The following KLK11 variants were observed in gnomAD, a reference collection of about 807,000 sequenced individuals.
The protein encoded by KLK11 is kallikrein related peptidase 11.
A neutral mutation model predicts 23.4 loss-of-function variants in KLK11; 10 were observed. That is an observed-to-expected ratio of 0.43 (90% CI 0.26 to 0.73). The LOEUF (loss-of-function observed/expected upper bound fraction) is 0.73. KLK11 is among the 30% of genes least tolerant of loss of function. The pLI is 0.22. For synonymous variants in KLK11, 131 were observed against 131.7 expected, an observed-to-expected ratio of 0.99 and a Z score of 0.03; for missense variants, 285 against 327.8, an observed-to-expected ratio of 0.87 and a Z score of 1.01.
At chr19:51,027,627 CAGGGG>C, upstream of KLK11, 1 of 1,334,972 alleles carries the variant, frequency 7.5e-7, no homozygotes, top group Non-Finnish European at 1.1e-6. Context: ...TGGAGCAAGG[CAGGGG>C]AGGGCCTAGG....
At position 51,025,487 on chromosome 19, in the gene KLK11, G is replaced by A; in HGVS notation, c.40+105C>T. 1 of 708,132 alleles carries A rather than the reference G, an allele frequency of 1.4e-6. No homozygotes were observed. The highest frequency in any genetic ancestry group is 2.2e-6 in the Non-Finnish European group (1 of 445,220). 43.9% of individuals were successfully genotyped at this position (708,132 alleles called of 1,614,324 possible). A position where few individuals can be genotyped will look rare whatever the true frequency, so the allele number is the denominator to read the frequency against. ...CTCCAGTTCAGGTGCCTTATGGGTTGTTCTGTAATTTGGAATCAGCCCTGT... is the reference window on the plus strand; with the variant it reads ...CTCCAGTTCAGGTGCCTTATGGGTTATTCTGTAATTTGGAATCAGCCCTGT... On this transcript the variant is annotated intron_variant, in intron 2 of 5. Transcript: ENST00000453757. The surrounding 1 kb of genome is among the most constrained non-coding windows in gnomAD (Gnocchi z 6.2).
intron 5 of KLK11, 36 bp from the exon 6 acceptor site, chr19:51,022,733 G>A: frequency 6.2e-7 from 1 of 1,611,680 alleles, no homozygotes; most frequent in Non-Finnish European, 8.5e-7. Context: ...GTCAGAGAAA[G>A]CGTTGAGCAT....
Position 51,024,065 on chromosome 19 carries a change from C to T in KLK11, c.443G>A (p.Gly148Asp). The T allele has an allele frequency of 1.3e-6, 2 of 1,549,876 alleles. No individual in the cohort carries two copies. Among genetic ancestry groups the T allele is most frequent in the East Asian group, 4.6e-5 (2 of 43,872 alleles). ...CCTACACTGGGGGCTGGACGTGCTG[C>T]CCCAGCCGGAAATGAGGCAGCTGGT... The part of the protein sequence containing the change: ...AGTSCLISGW[G>D]STSSPQLRLP... The change falls in exon 4 of 6, where the codon GGC (glycine) becomes GAC (aspartate). Residue 148 changes from glycine to aspartate, a missense_variant. Gly to Asp is a moderately conservative substitution (Grantham distance 94, BLOSUM62 -1). Coordinates refer to ENST00000453757, the MANE Select transcript of KLK11 (RefSeq NM_001136032.3). The surrounding 1 kb of genome is among the most constrained non-coding windows in gnomAD (Gnocchi z 6.2).
At chr19:51,026,641 G>A (rs561049358), upstream of KLK11, 11 of 984,672 alleles carry the variant, frequency 1.1e-5, no homozygotes, top group East Asian at 1.3e-3. Flanking sequence ...CAGGCACCAG[G>A]CAGGCGGGCT....
chr19:51,027,291 TG>T, upstream of KLK11: 1 of 674,026 alleles, frequency 1.5e-6, no homozygotes, highest in Non-Finnish European at 2.6e-6. Flanking sequence ...GACCGGAGGG[TG>T]GGGGAGGCAG....
At position 51,025,193 on chromosome 19, in the gene KLK11, C is replaced by G. The variant is rs188307457; in HGVS notation, c.40+399G>C. Among the ~76,000 whole-genome samples, 14 of 151,850 alleles carry G rather than the reference C, an allele frequency of 9.2e-5. No individual in the cohort carries two copies. Among genetic ancestry groups the G allele is most frequent in the African/African-American group, 3.1e-4 (13 of 41,376 alleles). ...AGATGGCTTAAGGATCACTTAAGCCCGGGAAGTCAAGACTGCAGTGAGCCG... is the reference window on the plus strand; with the variant it reads ...AGATGGCTTAAGGATCACTTAAGCCGGGGAAGTCAAGACTGCAGTGAGCCG... On this transcript the variant is annotated intron_variant, in intron 2 of 5. Coordinates refer to ENST00000453757, the MANE Select transcript of KLK11 (RefSeq NM_001136032.3). The surrounding 1 kb of genome is among the most constrained non-coding windows in gnomAD (Gnocchi z 6.2).
chr19:51,024,237 C>T lies in KLK11; in HGVS notation c.271G>A (p.Glu91Lys). Reference protein sequence around the residue: ...EGCEQTRTATESFPHPGFNNS... With the variant: ...EGCEQTRTATKSFPHPGFNNS... ...TTGAAGCCGGGGTGGGGGAAGGACT[C>T]AGTGGCTGTCCGGGTCTGCTCACAG... Residue 91 changes from glutamate to lysine, a missense_variant, in exon 4 of 6, where the codon GAG becomes AAG. By Grantham distance (56) the Glu-to-Lys change is moderately conservative. Coordinates refer to ENST00000453757, the MANE Select transcript of KLK11 (RefSeq NM_001136032.3). The surrounding 1 kb of genome is among the most constrained non-coding windows in gnomAD (Gnocchi z 6.2). The T allele has an allele frequency of 6.2e-7, 1 of 1,614,110 alleles. No individual in the cohort carries two copies. The highest frequency in any genetic ancestry group is 8.5e-7 in the Non-Finnish European group (1 of 1,179,994).
chr19:51,027,206 C>T (rs2091499306), upstream of KLK11: 1 of 511,742 alleles, frequency 2.0e-6, no homozygotes, highest in Non-Finnish European at 3.5e-6. Flanking sequence ...TAGGCCGCTC[C>T]CTTCTCCTTT....
chr19:51,025,506 G>T lies in KLK11; in HGVS notation c.40+86C>A. On this transcript the variant is annotated intron_variant, in intron 2 of 5. Coordinates refer to ENST00000453757, the MANE Select transcript of KLK11 (RefSeq NM_001136032.3). This position sits in a 1 kb window ranked among gnomAD's most constrained non-coding sequence, Gnocchi z 6.2. ...TGGGTTGTTCTGTAATTTGGAATCA[G>T]CCCTGTCACTGTCCAGACACAGAGG... is the stretch of plus-strand genomic sequence containing the variant. 1 of 880,114 alleles carries T rather than the reference G, an allele frequency of 1.1e-6. No individual in the cohort carries two copies. Among genetic ancestry groups the T allele is most frequent in the Non-Finnish European group, 1.7e-6 (1 of 591,932 alleles). 54.5% of individuals were successfully genotyped at this position (880,114 alleles called of 1,614,324 possible). A position where few individuals can be genotyped will look rare whatever the true frequency, so the allele number is the denominator to read the frequency against.
chr19:51,026,499 G>A (rs1052403020), intron 1 of KLK11, 39 bp downstream of exon 1: 37 of 922,678 alleles, frequency 4.0e-5, no homozygotes, highest in African/African-American at 1.4e-4. Flanking sequence ...GCTGACACCT[G>A]GACGGGGAGG....
At chr19:51,023,664 C>A (rs1297944513) in intron 4 of KLK11, 10 of 214,928 alleles carry the variant, frequency 4.7e-5, no homozygotes, top group Non-Finnish European at 6.4e-5. Context: ...GGATTACAGG[C>A]GTGAGCCACG....
At position 51,024,358 on chromosome 19, in the gene KLK11, A is replaced by C; in HGVS notation, c.198-48T>G. 3 of 1,596,004 alleles carry C rather than the reference A, an allele frequency of 1.9e-6. No homozygotes were observed. Among genetic ancestry groups the C allele is most frequent in the Non-Finnish European group, 2.6e-6 (3 of 1,172,854 alleles). On this transcript the variant is annotated intron_variant, in intron 3 of 5. Coordinates refer to ENST00000453757, the MANE Select transcript of KLK11 (RefSeq NM_001136032.3). This position sits in a 1 kb window ranked among gnomAD's most constrained non-coding sequence, Gnocchi z 6.2. ...TGGAGGAGGAAAGGTCGGGGGAGACATGGGTGGGAGAGGTGAGTGACACCT... is the reference window on the plus strand; with the variant it reads ...TGGAGGAGGAAAGGTCGGGGGAGACCTGGGTGGGAGAGGTGAGTGACACCT...
chr19:51,022,607 C>T lies in KLK11; in HGVS notation c.691G>A (p.Gly231Ser). ...TATTTGCAGACTTTCGTGTAGACACCAGGCTTTCGGGTGATCGCACACGGA... is the reference window on the plus strand; with the variant it reads ...TATTTGCAGACTTTCGTGTAGACACTAGGCTTTCGGGTGATCGCACACGGA... ...QDPCAITRKP[G>S]VYTKVCKYVD... Residue 231 changes from glycine to serine, a missense_variant, in exon 6 of 6, where the codon GGT (glycine) becomes AGT (serine). Physicochemically the swap from Gly to Ser is moderately conservative, Grantham distance 56 (BLOSUM62 0). Transcript: ENST00000453757. 1 of 1,613,998 alleles carries T rather than the reference C, an allele frequency of 6.2e-7. No individual in the cohort carries two copies. Among genetic ancestry groups the T allele is most frequent in the Non-Finnish European group, 8.5e-7 (1 of 1,180,044 alleles).
upstream of KLK11, chr19:51,027,256 G>A (rs1346950812): frequency 3.4e-6 from 2 of 589,356 alleles, no homozygotes; most frequent in Non-Finnish European, 6.0e-6. Flanking sequence ...CACACAGGTG[G>A]GGCTGCTGCC....
upstream of KLK11, chr19:51,027,576 C>T: frequency 1.2e-6 from 2 of 1,604,674 alleles, no homozygotes; most frequent in Non-Finnish European, 1.7e-6. Flanking sequence ...CAGTTAGGTC[C>T]CTTCCCTTGG....
chr19:51,023,279 CT>C, intron 4 of KLK11, 51 bp from the exon 5 acceptor site: 1 of 1,589,022 alleles, frequency 6.3e-7, no homozygotes, highest in Non-Finnish European at 8.6e-7. Flanking sequence ...GCCACCTCCC[CT>C]AATGCAGTGC....
chr19:51,025,721 G>T lies in KLK11; in HGVS notation c.-35-55C>A. The T allele has an allele frequency of 1.4e-6, 1 of 707,200 alleles. No individual in the cohort carries two copies. The highest frequency in any genetic ancestry group is 1.9e-5 in the South Asian group (1 of 53,364). The allele number at this position is 707,200 out of a possible 1,614,324, so 43.8% of individuals were successfully genotyped here. A position where few individuals can be genotyped will look rare whatever the true frequency, so the allele number is the denominator to read the frequency against. ...TCACTTTACGGGGAAATCGGGAGGG[G>T]GGGGCTGGCTCATGCCCTCTCCTCT... On this transcript the variant is annotated intron_variant, in intron 1 of 5. Transcript: ENST00000453757. The surrounding 1 kb of genome is among the most constrained non-coding windows in gnomAD (Gnocchi z 6.2).
In KLK11 at chr19:51,023,212, G is replaced by T; in HGVS notation, c.480C>A (p.Thr160=). ...TGATGGTGATGTTGGCGCATCGCAAGGTGTGAGGCAGGCGTACTGTGGAAA... is the reference window on the plus strand; with the variant it reads ...TGATGGTGATGTTGGCGCATCGCAATGTGTGAGGCAGGCGTACTGTGGAAA... The part of the protein sequence containing the change: ...TSSPQLRLPH[T]LRCANITIIE... Residue 160 remains threonine, a synonymous_variant, in exon 5 of 6, where the codon ACC becomes ACA. Coordinates refer to ENST00000453757, the MANE Select transcript of KLK11 (RefSeq NM_001136032.3). 1 of 1,613,244 alleles carries T rather than the reference G, an allele frequency of 6.2e-7. No homozygotes were observed. Among genetic ancestry groups the T allele is most frequent in the Non-Finnish European group, 8.5e-7 (1 of 1,179,830 alleles).
In KLK11 at chr19:51,024,586, T is replaced by C. The variant is rs1174144120; in HGVS notation, c.197+52A>G. On this transcript the variant is annotated intron_variant, in intron 3 of 5. Transcript: ENST00000453757. This position sits in a 1 kb window ranked among gnomAD's most constrained non-coding sequence, Gnocchi z 6.2. The stretch of plus-strand genomic sequence containing the variant: ...CTATCCCTGAGCTTCTCTCCATCCA[T>C]CTCCCCATTCCCAGCCCCCCACCCC... 1 of 1,439,162 alleles carries C rather than the reference T, an allele frequency of 6.9e-7. No homozygotes were observed. Among genetic ancestry groups the C allele is most frequent in the South Asian group, 1.4e-5 (1 of 71,014 alleles). 89.1% of individuals were successfully genotyped at this position (1,439,162 alleles called of 1,614,324 possible).
Sources: allele counts gnomAD v4.1 joint callset (sites outside exome capture counted in the v4.1 genomes callset), GRCh38; gene constraint gnomAD v4.1.1; non-coding constraint Gnocchi (gnomAD v3.1); transcripts MANE v1.5; gene names NCBI Gene and HGNC (gene_info 2026-07-23, HGNC 2026-07-21).